Variants in CACNA2D1 observed in about 807,000 individuals in gnomAD.
CACNA2D1 encodes the protein voltage-dependent calcium channel subunit alpha-2/delta-1.
Under a neutral mutation model 171.5 loss-of-function variants are expected in CACNA2D1, and 53 were observed. That is an observed-to-expected ratio of 0.31 (90% CI 0.25 to 0.39). The LOEUF is 0.39. Ranked by LOEUF, CACNA2D1 falls within the 10% of genes least tolerant of loss-of-function variation. CACNA2D1 has a pLI of 1.00. For missense variants in CACNA2D1, 903 were observed against 1,299.8 expected (o/e 0.69, Z 4.69); for synonymous variants, 442 against 443.1 (o/e 1.00, Z 0.03).
At chr7:82,388,561 G>T (rs564916074) in intron 1 of CACNA2D1, among the ~76,000 whole-genome samples, 7 of 152,262 alleles carry the variant, frequency 4.6e-5, no homozygotes, top group African/African-American at 1.7e-4. Context: ...AGGGGGCAAA[G>T]GGCAAGCCAG....
At chr7:82,363,514 C>T (rs1821325689) in intron 1 of CACNA2D1, among the ~76,000 whole-genome samples, 2 of 152,024 alleles carry the variant, frequency 1.3e-5, no homozygotes, top group Non-Finnish European at 2.9e-5. Context: ...ATCCACCAGC[C>T]TCGGCCTCCC....
At chr7:81,997,069 G>A in intron 19 of CACNA2D1, 110 bp downstream of exon 19, 2 of 772,792 alleles carry the variant, frequency 2.6e-6, no homozygotes, top group South Asian at 2.7e-5. Context: ...TGTGTATACA[G>A]TATCAAACAG....
At chr7:82,217,480 A>G (rs1264494475) in intron 3 of CACNA2D1, among the ~76,000 whole-genome samples, 2 of 146,396 alleles carry the variant, frequency 1.4e-5, no homozygotes, top group East Asian at 2.0e-4. Flanking sequence ...CTATGTCCAA[A>G]TAAATTCAAT....
chr7:82,174,441 G>T (rs1796361570), intron 3 of CACNA2D1, among the ~76,000 whole-genome samples: 1 of 152,028 alleles, frequency 6.6e-6, no homozygotes, highest in African/African-American at 2.4e-5. Flanking sequence ...GATGTGTTAA[G>T]AATGTATACA....
At chr7:82,261,442 G>T (rs779623190) in intron 3 of CACNA2D1, among the ~76,000 whole-genome samples, 2 of 152,094 alleles carry the variant, frequency 1.3e-5, no homozygotes, top group Non-Finnish European at 2.9e-5. Context: ...CCTTTGCCAT[G>T]GTATTTCCAT....
chr7:82,118,191 T>G (rs997856398), intron 5 of CACNA2D1, among the ~76,000 whole-genome samples: 1 of 152,116 alleles, frequency 6.6e-6, no homozygotes, highest in Non-Finnish European at 1.5e-5. Context: ...AAAGATTAAT[T>G]TTCTATCTAT....
At chr7:82,168,857 C>T (rs1027424739) in intron 4 of CACNA2D1, among the ~76,000 whole-genome samples, 1 of 151,940 alleles carries the variant, frequency 6.6e-6, no homozygotes, top group African/African-American at 2.4e-5. Context: ...AAAAAGGGTG[C>T]TTTGAACAGG....
intron 3 of CACNA2D1, among the ~76,000 whole-genome samples, chr7:82,238,867 C>T (rs1457388104): frequency 6.6e-6 from 1 of 152,008 alleles, no homozygotes; most frequent in African/African-American, 2.4e-5. Context: ...CTAGATATTG[C>T]TTGGGAATAA....
At chr7:81,966,061 T>C (rs1279120551) in intron 31 of CACNA2D1, among the ~76,000 whole-genome samples, 1 of 151,782 alleles carries the variant, frequency 6.6e-6, no homozygotes, top group East Asian at 1.9e-4. Context: ...AAAAATATCA[T>C]TTTAGTTGTC....
chr7:82,155,782 T>A (rs1011788749), intron 4 of CACNA2D1, among the ~76,000 whole-genome samples: 2 of 152,184 alleles, frequency 1.3e-5, no homozygotes, highest in African/African-American at 4.8e-5. Flanking sequence ...ATATAAGATG[T>A]CATCAGCATG....
intron 4 of CACNA2D1, among the ~76,000 whole-genome samples, chr7:82,138,636 T>C (rs527561675): frequency 6.6e-6 from 1 of 152,034 alleles, no homozygotes; most frequent in Non-Finnish European, 1.5e-5. Flanking sequence ...TTAGTACAGA[T>C]GGGGTTTTAC....
At chr7:82,002,115 C>T (rs1356030425) in intron 18 of CACNA2D1, among the ~76,000 whole-genome samples, 1 of 150,970 alleles carries the variant, frequency 6.6e-6, no homozygotes, top group African/African-American at 2.4e-5. Flanking sequence ...TAATGTCCAT[C>T]CCTCAATTCA....
At chr7:82,291,163 G>GATATAGAATTATAATTCTATATCA (rs1491424646) in intron 3 of CACNA2D1, among the ~76,000 whole-genome samples, 3 of 109,078 alleles carry the variant, frequency 2.8e-5, no homozygotes, top group Middle Eastern at 5.0e-3. Context: ...ATTCTATATC[G>GATATAGAATTATAATTCTATATCA]ATATAGAATT....
At chr7:82,323,191 C>G (rs1043851600) in intron 3 of CACNA2D1, among the ~76,000 whole-genome samples, 2 of 151,870 alleles carry the variant, frequency 1.3e-5, no homozygotes, top group Non-Finnish European at 2.9e-5. Flanking sequence ...TCTATATTTA[C>G]TTTCACCCAA....
intron 3 of CACNA2D1, among the ~76,000 whole-genome samples, chr7:82,282,326 C>T (rs979450649): frequency 1.3e-5 from 2 of 152,026 alleles, no homozygotes; most frequent in African/African-American, 2.4e-5. Flanking sequence ...AAAAATAAAT[C>T]TAATCTGTTA....
intron 14 of CACNA2D1, among the ~76,000 whole-genome samples, chr7:82,012,463 T>C (rs1390210022): frequency 2.0e-5 from 3 of 152,154 alleles, no homozygotes; most frequent in Non-Finnish European, 4.4e-5. Context: ...ATTTATACAA[T>C]ATATCTACCC....
intron 3 of CACNA2D1, among the ~76,000 whole-genome samples, chr7:82,302,155 T>C (rs1392362870): frequency 6.6e-6 from 1 of 152,210 alleles, no homozygotes; most frequent in Non-Finnish European, 1.5e-5. Flanking sequence ...AAAATCTACA[T>C]ATAACTGTAC....
At chr7:82,019,648 T>C (rs1237475132) in intron 12 of CACNA2D1, among the ~76,000 whole-genome samples, 2 of 152,144 alleles carry the variant, frequency 1.3e-5, no homozygotes, top group Non-Finnish European at 2.9e-5. Context: ...AATTAAGAGT[T>C]TTCCAAAGCC....
At chr7:82,087,181 A>G (rs978050618) in intron 6 of CACNA2D1, among the ~76,000 whole-genome samples, 1 of 152,170 alleles carries the variant, frequency 6.6e-6, no homozygotes, top group Admixed American at 6.5e-5. Flanking sequence ...GTGTAGTAAG[A>G]TGTAAGAATA....
Sources: allele counts gnomAD v4.1 joint callset (sites outside exome capture counted in the v4.1 genomes callset), GRCh38; gene constraint gnomAD v4.1.1; transcripts MANE v1.5; gene names NCBI Gene and HGNC (gene_info 2026-07-23, HGNC 2026-07-21).